The following IMMP2L variants were observed in gnomAD, a reference collection of about 807,000 sequenced individuals.
The protein encoded by IMMP2L is inner mitochondrial membrane peptidase subunit 2.
Under a neutral mutation model 19.3 loss-of-function variants are expected in IMMP2L, and 18 were observed. The observed-to-expected ratio is 0.93, with a 90% CI of 0.64 to 1.38. IMMP2L has a LOEUF of 1.38. Ranked by LOEUF, IMMP2L falls within the 40% of genes most tolerant of loss-of-function variation. The pLI, the probability that IMMP2L is intolerant of heterozygous loss-of-function variation, is 0.00. For missense variants in IMMP2L, 233 were observed against 218.2 expected (o/e 1.07, Z -0.43); for synonymous variants, 76 against 73.0 (o/e 1.04, Z -0.21).
intron 3 of IMMP2L, among the ~76,000 whole-genome samples, chr7:111,193,140 GATTTCCTCTTTTGTTT>G (rs1205936527): frequency 6.6e-6 from 1 of 152,116 alleles, no homozygotes; most frequent in Non-Finnish European, 1.5e-5. Flanking sequence ...TAATGTGAGG[GATTTCCTCTTTTGTTT>G]ATTTCTCTTT....
Position 111,048,259 on chromosome 7 carries a change from AAAAAAAGAAAAAAAG to A in IMMP2L, c.240-84709_240-84695del, listed in dbSNP as rs1482048572. Among the ~76,000 whole-genome samples, 183 of 149,356 alleles carry A rather than the reference AAAAAAAGAAAAAAAG, an allele frequency of 1.2e-3. 2 individuals carry two copies. Among genetic ancestry groups the A allele is most frequent in the African/African-American group, 4.1e-3 (164 of 39,906 alleles). The stretch of plus-strand genomic sequence containing the variant: ...GTCTCAAAAAAAAAAAAAAAAAAAA[AAAAAAAGAAAAAAAG>A]AAAAAAGAAAAAAAGAAATCTGGCT... On this transcript the variant is annotated intron_variant, in intron 3 of 5. Coordinates refer to ENST00000405709, the MANE Select transcript of IMMP2L (RefSeq NM_032549.4).
At position 111,170,117 on chromosome 7, in the gene IMMP2L, G is replaced by A. The variant is rs117824146; in HGVS notation, c.240-206552C>T. ...AGTTGAAACTGCTGAAACTATGTCA[G>A]TATATTTTGGCACATATTATGAATT... On this transcript the variant is annotated intron_variant, in intron 3 of 5. Coordinates refer to ENST00000405709, the MANE Select transcript of IMMP2L (RefSeq NM_032549.4). 3.5e-3 allele frequency among the ~76,000 whole-genome samples: 528 copies of A among 151,884 alleles called. 4 individuals carry two copies. The highest frequency in any genetic ancestry group is 0.01 in the Middle Eastern group (3 of 292).
intron 5 of IMMP2L, among the ~76,000 whole-genome samples, chr7:110,707,004 A>ATTTTT (rs60393281): frequency 9.6e-5 from 11 of 114,288 alleles, no homozygotes; most frequent in South Asian, 3.1e-4. Context: ...TTTTTTTTTA[A>ATTTTT]TTTTTTTTTT....
At chr7:110,944,045 G>A (rs993060233) in intron 4 of IMMP2L, among the ~76,000 whole-genome samples, 1 of 151,912 alleles carries the variant, frequency 6.6e-6, no homozygotes, top group African/African-American at 2.4e-5. Context: ...TTCACAGAGT[G>A]ATACTCAGGA....
chr7:111,105,769 A>G (rs76895830), intron 3 of IMMP2L, among the ~76,000 whole-genome samples: 1 of 151,926 alleles, frequency 6.6e-6, no homozygotes, highest in African/African-American at 2.4e-5. Context: ...AGAAAAAAAA[A>G]TCCATAAAAA....
intron 3 of IMMP2L, among the ~76,000 whole-genome samples, chr7:111,333,573 G>A (rs190508605): frequency 5.8e-4 from 88 of 152,124 alleles, no homozygotes; most frequent in African/African-American, 2.0e-3. Flanking sequence ...AGGATGCAAA[G>A]CTCCCTAGGT....
chr7:111,168,720 C>T (rs1000737868), intron 3 of IMMP2L, among the ~76,000 whole-genome samples: 4 of 151,888 alleles, frequency 2.6e-5, no homozygotes, highest in Non-Finnish European at 4.4e-5. Context: ...TACTCTATCC[C>T]TTCCCTACAT....
chr7:111,500,907 G>T (rs934108803), intron 2 of IMMP2L, among the ~76,000 whole-genome samples: 1 of 152,134 alleles, frequency 6.6e-6, no homozygotes, highest in Non-Finnish European at 1.5e-5. Flanking sequence ...ACTCTAAAAA[G>T]CAGAGTGCCT....
chr7:111,502,547 C>A (rs1384982232), intron 2 of IMMP2L, among the ~76,000 whole-genome samples: 3 of 152,006 alleles, frequency 2.0e-5, no homozygotes, highest in Non-Finnish European at 4.4e-5. Flanking sequence ...CACACCTATT[C>A]CAAAATTGAC....
At chr7:111,512,048 A>C (rs2132574497) in intron 2 of IMMP2L, among the ~76,000 whole-genome samples, 1 of 152,320 alleles carries the variant, frequency 6.6e-6, no homozygotes, top group East Asian at 1.9e-4. Context: ...CCCAAGAGAA[A>C]TGAAATCATG....
chr7:111,108,506 C>G (rs999355364), intron 3 of IMMP2L, among the ~76,000 whole-genome samples: 4 of 152,002 alleles, frequency 2.6e-5, no homozygotes, highest in African/African-American at 9.7e-5. Flanking sequence ...AACTATATCT[C>G]AAGTAAAAAA....
chr7:110,739,526 T>C (rs1562948263), intron 5 of IMMP2L, among the ~76,000 whole-genome samples: 2 of 152,156 alleles, frequency 1.3e-5, no homozygotes, highest in Non-Finnish European at 2.9e-5. Flanking sequence ...GTTCTAAATA[T>C]ATATGCACCT....
In IMMP2L at chr7:110,924,909, T is replaced by A. The variant is rs1183320346; in HGVS notation, c.306-38214A>T. ...AGAAAATGGTATATTCAAAAAAGGT[T>A]ATTTTCTGTTAAGAGAAAGATAACA... On this transcript the variant is annotated intron_variant, in intron 4 of 5. Transcript: ENST00000405709. The surrounding 1 kb of genome is among the most constrained non-coding windows in gnomAD (Gnocchi z 4.2). Among the ~76,000 whole-genome samples, 3 of 152,176 alleles carry A rather than the reference T, an allele frequency of 2.0e-5. No homozygotes were observed. The highest frequency in any genetic ancestry group is 4.4e-5 in the Non-Finnish European group (3 of 68,026).
intron 5 of IMMP2L, among the ~76,000 whole-genome samples, chr7:110,804,334 C>T (rs1006563752): frequency 6.6e-6 from 1 of 152,032 alleles, no homozygotes; most frequent in Non-Finnish European, 1.5e-5. Flanking sequence ...GGCAAAAGTT[C>T]ATATCATAAT....
At chr7:111,556,521 C>G (rs137904626) in intron 1 of IMMP2L, among the ~76,000 whole-genome samples, 1 of 152,108 alleles carries the variant, frequency 6.6e-6, no homozygotes, top group East Asian at 1.9e-4. Context: ...TGTCCAGCCC[C>G]CTTCAGCCTC....
intron 3 of IMMP2L, among the ~76,000 whole-genome samples, chr7:111,457,558 C>A (rs114675082): frequency 0.011 from 1,605 of 152,144 alleles, 33 homozygotes; most frequent in African/African-American, 0.035. Context: ...ATTTTACTGA[C>A]CTATAACTTA....
chr7:111,007,327 G>A (rs1011145604), intron 3 of IMMP2L, among the ~76,000 whole-genome samples: 4 of 152,136 alleles, frequency 2.6e-5, no homozygotes, highest in Middle Eastern at 3.4e-3. Flanking sequence ...ATGAAATTTG[G>A]GTGGGGACAC....
intron 2 of IMMP2L, among the ~76,000 whole-genome samples, chr7:111,513,257 A>G (rs1402204699): frequency 6.6e-6 from 1 of 152,180 alleles, no homozygotes; most frequent in East Asian, 1.9e-4. Flanking sequence ...GTACACAAAC[A>G]ACTCTATAGC....
At chr7:111,402,987 C>T (rs1833568867) in intron 3 of IMMP2L, among the ~76,000 whole-genome samples, 1 of 125,890 alleles carries the variant, frequency 7.9e-6, no homozygotes, top group African/African-American at 3.5e-5. Context: ...TCACTGCAGC[C>T]TTGACCCCCC....
Sources: gnomAD v4.1 joint callset for allele counts (sites outside exome capture counted in the v4.1 genomes callset) on GRCh38, gnomAD v4.1.1 for gene constraint, Gnocchi (gnomAD v3.1) non-coding constraint, MANE v1.5 for transcripts, NCBI Gene and HGNC (gene_info 2026-07-23, HGNC 2026-07-21) for gene names.